NAA38: variants seen among roughly 807,000 people sequenced by gnomAD.
NAA38 encodes N-alpha-acetyltransferase 38, NatC auxiliary subunit.
NAA38 carries 15 observed loss-of-function variants against 12.6 expected under a neutral mutation model. The observed-to-expected ratio is 1.19, with a 90% confidence interval of 0.79 to 1.83. NAA38 has a LOEUF of 1.83. Ranked by LOEUF, NAA38 falls within the 40% of genes most tolerant of loss-of-function variation. The pLI is 0.00. For synonymous variants in NAA38, 88 were observed against 69.9 expected (o/e 1.26, Z -1.29); for missense variants, 183 against 171.7 (o/e 1.07, Z -0.37).
chr17:7,857,295 C>A, intron 1 of NAA38, 88 bp downstream of exon 1: 1 of 1,612,170 alleles, frequency 6.2e-7, no homozygotes, highest in East Asian at 2.2e-5. Context: ...CACACAAAGC[C>A]CAGAGGCTGC....
In NAA38 at chr17:7,857,139, C is replaced by A. The variant is rs145716440; in HGVS notation, c.141G>T (p.Ala47=). ...AAERARQQLE[A]LLNKTMRIRM... ...GAATGCGCATAGTCTTGTTGAGCAG[C>A]GCCTCTAGCTGCTGTCGGGCGCGCT... The change falls in exon 2 of 3, where the codon GCG becomes GCT. Residue 47 remains alanine (A), a synonymous_variant. Coordinates refer to ENST00000575771, the MANE Select transcript of NAA38 (RefSeq NM_001320925.4). The A allele has an allele frequency of 6.2e-7, 1 of 1,613,184 alleles. No individual in the cohort carries two copies. The highest frequency in any genetic ancestry group is 1.1e-5 in the South Asian group (1 of 91,088).
At chr17:7,881,765 A>T (rs996438616) in intron 2 of NAA38, among the ~76,000 whole-genome samples, 2 of 150,810 alleles carry the variant, frequency 1.3e-5, no homozygotes, top group Non-Finnish European at 3.0e-5. Context: ...CAAGATGGGG[A>T]GCCGTGGCAG....
chr17:7,884,692 C>T (rs1884742230), intron 1 of NAA38: 2 of 364,948 alleles, frequency 5.5e-6, no homozygotes, highest in South Asian at 1.5e-4. Context: ...AGGACGCCGC[C>T]GCCGAGGAGG....
upstream of NAA38, chr17:7,862,340 A>C (rs1284633720): frequency 6.6e-6 from 1 of 152,162 alleles, no homozygotes; most frequent in East Asian, 1.9e-4. Flanking sequence ...CCTAGTAGGC[A>C]AGGAAGGACC....
intron 2 of NAA38, among the ~76,000 whole-genome samples, chr17:7,868,049 T>C (rs987687365): frequency 6.6e-6 from 1 of 152,158 alleles, no homozygotes; most frequent in Non-Finnish European, 1.5e-5. Context: ...TCTTGTTGGA[T>C]ATATAGGACT....
chr17:7,859,199 C>T, upstream of NAA38: 1 of 609,166 alleles, frequency 1.6e-6, no homozygotes, highest in East Asian at 2.7e-5. Context: ...TTAGAAGTGG[C>T]TGCCATTAAG....
chr17:7,859,428 C>G, upstream of NAA38: 5 of 1,614,086 alleles, frequency 3.1e-6, no homozygotes, highest in Non-Finnish European at 4.2e-6. Flanking sequence ...CGCTATCTCC[C>G]CTATAACTCA....
At position 7,857,541 on chromosome 17, in the gene NAA38, T is replaced by G; in HGVS notation, c.-78A>C. The stretch of plus-strand genomic sequence containing the variant: ...GGGTGGTCCGAGATCTCGCGAGCGC[T>G]CCCGACCTCTTTCCTTTCGCGAGAT... On this transcript the variant is annotated 5_prime_UTR_variant, in exon 1 of 3. Transcript: ENST00000575771. 2.1e-6 allele frequency: 3 copies of G among 1,452,002 alleles called. No individual in the cohort carries two copies. The highest frequency in any genetic ancestry group is 2.7e-6 in the Non-Finnish European group (3 of 1,105,682). The allele number at this position is 1,452,002 out of a possible 1,614,324, so 89.9% of individuals were successfully genotyped here.
intron 2 of NAA38, among the ~76,000 whole-genome samples, chr17:7,871,322 T>C (rs962647099): frequency 3.2e-4 from 49 of 152,228 alleles, no homozygotes; most frequent in African/African-American, 1.1e-3. Context: ...TATAAGGTTA[T>C]TGAAAGGAGT....
chr17:7,875,027 C>A (rs1259956575), intron 2 of NAA38, among the ~76,000 whole-genome samples: 1 of 151,748 alleles, frequency 6.6e-6, no homozygotes, highest in African/African-American at 2.4e-5. Flanking sequence ...GAGATCCCAT[C>A]TCTACAAAAA....
chr17:7,868,106 A>T (rs375343181), intron 2 of NAA38, among the ~76,000 whole-genome samples: 4 of 152,322 alleles, frequency 2.6e-5, no homozygotes, highest in Non-Finnish European at 5.9e-5. Context: ...TGTGGGAATT[A>T]TTGGCAGATA....
chr17:7,865,902 T>C (rs1440754274), intron 3 of NAA38: 1 of 152,108 alleles, frequency 6.6e-6, no homozygotes, highest in Non-Finnish European at 1.5e-5. Flanking sequence ...CTATCATTTA[T>C]TCAATTCATT....
At chr17:7,876,299 A>C (rs1286314402) in intron 2 of NAA38, among the ~76,000 whole-genome samples, 1 of 151,890 alleles carries the variant, frequency 6.6e-6, no homozygotes, top group Non-Finnish European at 1.5e-5. Context: ...CCATAACAAC[A>C]CTACCTGGTA....
chr17:7,859,152 G>A, upstream of NAA38: 1 of 598,754 alleles, frequency 1.7e-6, no homozygotes, highest in East Asian at 2.8e-5. Flanking sequence ...CATGGATATA[G>A]TGAGGGGACA....
At chr17:7,858,525 G>A (rs1316392659), upstream of NAA38, 1 of 1,613,792 alleles carries the variant, frequency 6.2e-7, no homozygotes, top group African/African-American at 1.3e-5. Flanking sequence ...GAAATGGAGA[G>A]CGGGGATGGG....
upstream of NAA38, chr17:7,862,738 TAA>T (rs566528489): frequency 4.7e-3 from 475 of 101,576 alleles, no homozygotes; most frequent in African/African-American, 0.013. Context: ...AAACTCCATC[TAA>T]AAAAAAAAAA....
upstream of NAA38, chr17:7,859,308 C>A: frequency 8.1e-7 from 1 of 1,227,308 alleles, no homozygotes; most frequent in Non-Finnish European, 1.2e-6. Flanking sequence ...CCAAGGGAGG[C>A]ACTTTGATCC....
chr17:7,864,056 C>T (rs764200111), intron 3 of NAA38: 11 of 152,152 alleles, frequency 7.2e-5, no homozygotes, highest in African/African-American at 1.9e-4. Context: ...TCATACATCA[C>T]GATAAGGTTA....
At chr17:7,859,122 C>G (rs1403474302), upstream of NAA38, 5 of 575,208 alleles carry the variant, frequency 8.7e-6, no homozygotes, top group Admixed American at 6.4e-5. Flanking sequence ...ATTGGACTTT[C>G]TTTTTAATCT....
Sources: allele counts gnomAD v4.1 joint callset (sites outside exome capture counted in the v4.1 genomes callset), GRCh38; gene constraint gnomAD v4.1.1; transcripts MANE v1.5; gene names NCBI Gene and HGNC (gene_info 2026-07-23, HGNC 2026-07-21).